COPG2: variants seen among roughly 807,000 people sequenced by gnomAD.
COPG2 encodes coatomer subunit gamma-2.
A neutral mutation model predicts 46.3 loss-of-function variants in COPG2; 37 were observed. That is an observed-to-expected ratio of 0.80 (90% CI 0.61 to 1.05). The LOEUF is 1.05. COPG2 is among the 50% of genes least tolerant of loss of function. The pLI is 0.00. For missense variants in COPG2, 427 were observed against 387.8 expected (o/e 1.10, Z -0.85); for synonymous variants, 159 against 129.7 (o/e 1.23, Z -1.53).
intron 5 of COPG2, among the ~76,000 whole-genome samples, chr7:130,650,921 G>A (rs1250905258): frequency 6.6e-6 from 1 of 152,164 alleles, no homozygotes; most frequent in African/African-American, 2.4e-5. Context: ...GCCAACACCA[G>A]CTACTCCAAG....
intron 5 of COPG2, among the ~76,000 whole-genome samples, chr7:130,644,457 G>C (rs1795553386): frequency 6.6e-6 from 1 of 152,268 alleles, no homozygotes. Flanking sequence ...GGTGAAGATA[G>C]GGCTGCTCAA....
intron 6 of COPG2, 87 bp downstream of exon 6, chr7:130,616,903 A>G: frequency 1.3e-6 from 1 of 791,224 alleles, no homozygotes; most frequent in Non-Finnish European, 2.0e-6. Flanking sequence ...TCACAAAGTC[A>G]GACTAGGAAA....
chr7:130,526,947 T>C (rs1283214052), intron 20 of COPG2, among the ~76,000 whole-genome samples: 2 of 2,264 alleles, frequency 8.8e-4, no homozygotes, highest in African/African-American at 3.6e-3. Context: ...GGGGTGGGAA[T>C]GGGGGTGGGG....
At chr7:130,615,629 T>G (rs1794937922) in intron 6 of COPG2, among the ~76,000 whole-genome samples, 1 of 152,256 alleles carries the variant, frequency 6.6e-6, no homozygotes, top group Non-Finnish European at 1.5e-5. Context: ...TTATCTATCA[T>G]CTCTGAGCCT....
chr7:130,640,499 A>G (rs559004981), intron 5 of COPG2, among the ~76,000 whole-genome samples: 10 of 151,832 alleles, frequency 6.6e-5, no homozygotes, highest in Non-Finnish European at 1.3e-4. Flanking sequence ...GCTTTATTTC[A>G]TCTTGGCTAG....
At chr7:130,577,223 G>C (rs1362712952) in intron 9 of COPG2, among the ~76,000 whole-genome samples, 1 of 152,268 alleles carries the variant, frequency 6.6e-6, no homozygotes, top group East Asian at 1.9e-4. Flanking sequence ...GAGCGACGCA[G>C]AAGACCGGTG....
intron 20 of COPG2, among the ~76,000 whole-genome samples, chr7:130,523,752 G>A (rs1224495613): frequency 2.7e-5 from 4 of 150,358 alleles, no homozygotes; most frequent in Non-Finnish European, 4.4e-5. Flanking sequence ...GGTGAGAGCA[G>A]AGAGCAGGGG....
chr7:130,563,216 T>C (rs2116404283), intron 11 of COPG2, 53 bp downstream of exon 11: 2 of 397,634 alleles, frequency 5.0e-6, no homozygotes, highest in East Asian at 7.2e-5. Context: ...TCACATTTAA[T>C]GTTTCTCAAT....
At chr7:130,522,421 C>CAAGGATAGGAAATATTAAAAT (rs1799731411) in intron 20 of COPG2, among the ~76,000 whole-genome samples, 1 of 151,990 alleles carries the variant, frequency 6.6e-6, no homozygotes, top group Non-Finnish European at 1.5e-5. Flanking sequence ...ATGTAAACTT[C>CAAGGATAGGAAATATTAAAAT]AAGGATAGGA....
At chr7:130,546,253 A>C (rs1793441798) in intron 20 of COPG2, among the ~76,000 whole-genome samples, 1 of 152,224 alleles carries the variant, frequency 6.6e-6, no homozygotes, top group African/African-American at 2.4e-5. Context: ...GGACTACATT[A>C]AGATTGGGCC....
At chr7:130,551,172 C>T (rs1793530625) in intron 16 of COPG2, 69 bp downstream of exon 16, 1 of 397,176 alleles carries the variant, frequency 2.5e-6, no homozygotes, top group African/African-American at 2.1e-5. Context: ...AGCTCATATG[C>T]AAATCATAAA....
chr7:130,604,023 T>C (rs929603028), intron 9 of COPG2, among the ~76,000 whole-genome samples: 1 of 152,158 alleles, frequency 6.6e-6, no homozygotes, highest in Non-Finnish European at 1.5e-5. Context: ...AGAGAAGATA[T>C]AACTATTCAT....
At chr7:130,596,202 AC>A (rs1794524320) in intron 9 of COPG2, among the ~76,000 whole-genome samples, 1 of 152,136 alleles carries the variant, frequency 6.6e-6, no homozygotes, top group Non-Finnish European at 1.5e-5. Context: ...CTCCCAAGGG[AC>A]CAGCTGCGCT....
rs782585537 is a variant in COPG2 at position 130,507,761 on chromosome 7, A to G, written c.2310T>C (p.Ala770=). Residue 770 remains alanine (A), a synonymous_variant, in exon 22 of 24, where the codon GCT becomes GCC. Transcript: ENST00000425248. ...TATCTCCCACCTCTTCCCAAGCAGC[A>G]GCAAAGTTAGGCTTCAGTACTTTCT... ...HIQKVLKPNF[A]AAWEEVGDTF... 3 of 780,668 alleles carry G rather than the reference A, an allele frequency of 3.8e-6. No homozygotes were observed. The highest frequency in any genetic ancestry group is 7.2e-6 in the Non-Finnish European group (3 of 417,896). 48.4% of individuals were successfully genotyped at this position (780,668 alleles called of 1,614,324 possible).
At chr7:130,605,345 AAT>A (rs1445140696) in intron 9 of COPG2, 154 of 491,262 alleles carry the variant, frequency 3.1e-4, no homozygotes, top group Non-Finnish European at 4.0e-6. Flanking sequence ...AGAACTGATG[AAT>A]ATGTTACGTT....
chr7:130,550,366 G>A (rs1369505900), intron 17 of COPG2, among the ~76,000 whole-genome samples, 158 bp downstream of exon 17: 7 of 135,878 alleles, frequency 5.2e-5, no homozygotes, highest in South Asian at 2.2e-4. Flanking sequence ...ACTAGAGATC[G>A]CGCCACTGTG....
intron 22 of COPG2, 70 bp downstream of exon 22, chr7:130,507,615 G>A: frequency 1.4e-6 from 1 of 708,716 alleles, no homozygotes; most frequent in Non-Finnish European, 2.6e-6. Context: ...AGTTCTTCTG[G>A]AGTAACAAAT....
intron 20 of COPG2, among the ~76,000 whole-genome samples, chr7:130,524,526 A>G (rs1042643974): frequency 5.9e-5 from 9 of 152,154 alleles, no homozygotes; most frequent in African/African-American, 2.2e-4. Flanking sequence ...GAGTCGGAGC[A>G]GGCAATGGAG....
chr7:130,594,018 C>A (rs1432951275), intron 9 of COPG2, among the ~76,000 whole-genome samples: 1 of 152,032 alleles, frequency 6.6e-6, no homozygotes, highest in Admixed American at 6.5e-5. Flanking sequence ...GGAAAAGCTA[C>A]TTGCAACACA....
Sources: allele counts gnomAD v4.1 joint callset (sites outside exome capture counted in the v4.1 genomes callset), GRCh38; gene constraint gnomAD v4.1.1; transcripts MANE v1.5; gene names NCBI Gene and HGNC (gene_info 2026-07-23, HGNC 2026-07-21).